Variants in KLK13 observed in about 807,000 individuals in gnomAD.
KLK13 encodes the protein kallikrein related peptidase 13.
Under a neutral mutation model 22.4 loss-of-function variants are expected in KLK13, and 19 were observed. The observed-to-expected ratio is 0.85, with a 90% CI of 0.59 to 1.24. The LOEUF (loss-of-function observed/expected upper bound fraction) is 1.24, where lower values mean the gene tolerates loss of function less well. Ranked by LOEUF, KLK13 falls within the 50% of genes most tolerant of loss-of-function variation. The pLI, the probability that KLK13 is intolerant of heterozygous loss-of-function variation, is 0.00. For synonymous variants in KLK13, 156 were observed against 141.8 expected (o/e 1.10, Z -0.71); for missense variants, 311 against 347.9 (o/e 0.89, Z 0.84).
At chr19:51,065,295 TG>T (rs2091772779), upstream of KLK13, among the ~76,000 whole-genome samples, 1 of 152,032 alleles carries the variant, frequency 6.6e-6, no homozygotes, top group Non-Finnish European at 1.5e-5. Context: ...TGCAACCTCC[TG>T]GGGCTCCGGC....
chr19:51,060,958 T>G (rs755520261), intron 1 of KLK13, among the ~76,000 whole-genome samples: 1 of 151,892 alleles, frequency 6.6e-6, no homozygotes, highest in African/African-American at 2.4e-5. Context: ...TTTCAGGAGG[T>G]AGAAGTGAGA....
intron 3 of KLK13, 132 bp from the exon 4 acceptor site, chr19:51,058,806 T>C: frequency 2.3e-6 from 2 of 876,324 alleles, no homozygotes; most frequent in South Asian, 1.5e-5. Flanking sequence ...GGAGAAGAGA[T>C]GAGCACCTAT....
chr19:51,063,815 C>T (rs751387161), intron 1 of KLK13: 18 of 465,748 alleles, frequency 3.9e-5, no homozygotes, highest in South Asian at 1.5e-4. Flanking sequence ...GTCGGGAAGC[C>T]GCCATTACAT....
Position 51,063,835 on chromosome 19 carries a change from C to T in KLK13, c.52+1181G>A, listed in dbSNP as rs1204162422. 7 of 464,836 alleles carry T rather than the reference C, an allele frequency of 1.5e-5. No homozygotes were observed. In the East Asian group the frequency reaches 3.3e-4, roughly 22 times the overall value. The allele number at this position is 464,836 out of a possible 1,614,324, so 28.8% of individuals were successfully genotyped here. A position where few individuals can be genotyped will look rare whatever the true frequency, so the allele number is the denominator to read the frequency against. ...GAAGCCGCCATTACATCTCTAGGCC[C>T]CTGGCTTGGCTCCTTGAAGTCTTCA... On this transcript the variant is annotated intron_variant, in intron 1 of 4. Coordinates refer to ENST00000595793, the MANE Select transcript of KLK13 (RefSeq NM_015596.3).
chr19:51,062,456 C>T (rs903999238), intron 1 of KLK13, among the ~76,000 whole-genome samples: 2 of 152,210 alleles, frequency 1.3e-5, no homozygotes, highest in Non-Finnish European at 2.9e-5. Context: ...AATCTCTCCA[C>T]TTTGACTGTA....
chr19:51,056,508 A>C lies in KLK13; in HGVS notation c.*79T>G. 7.4e-7 allele frequency: 1 copy of C among 1,356,380 alleles called. No individual in the cohort carries two copies. Among genetic ancestry groups the C allele is most frequent in the Non-Finnish European group, 1.0e-6 (1 of 962,588 alleles). 84.0% of individuals were successfully genotyped at this position (1,356,380 alleles called of 1,614,324 possible). A position where few individuals can be genotyped will look rare whatever the true frequency, so the allele number is the denominator to read the frequency against. On this transcript the variant is annotated 3_prime_UTR_variant, in exon 5 of 5. Coordinates refer to ENST00000595793, the MANE Select transcript of KLK13 (RefSeq NM_015596.3). ...CACTGGTTCAAATGGAACACTGGGA[A>C]TAAGGAGCAGAGAAGGGCTAAGCAG... is the stretch of plus-strand genomic sequence containing the variant.
Position 51,058,749 on chromosome 19 carries a change from G to C in KLK13, c.509-75C>G, listed in dbSNP as rs371285324. 2.1e-5 allele frequency: 30 copies of C among 1,426,764 alleles called. 1 individual carries two copies. The East Asian group carries it at 5.7e-4, about 27-fold the overall frequency. 88.4% of individuals were successfully genotyped at this position (1,426,764 alleles called of 1,614,324 possible). On this transcript the variant is annotated intron_variant, in intron 3 of 4. Transcript: ENST00000595793. ...GGGATGAAGGTGAAATAGGCGAGTT[G>C]AATGGGTAAAGAGTAGATAGAAAAT...
intron 1 of KLK13, chr19:51,064,532 T>C (rs542819243): frequency 7.8e-6 from 3 of 382,812 alleles, no homozygotes; most frequent in African/African-American, 4.8e-5. Flanking sequence ...AATAAAGTAA[T>C]AACGGCTAAG....
intron 2 of KLK13, 87 bp from the exon 3 acceptor site, chr19:51,060,180 C>G: frequency 6.7e-7 from 1 of 1,500,652 alleles, no homozygotes. Flanking sequence ...CATCCCCAAC[C>G]TAACTTCTTC....
At chr19:51,058,737 A>G in intron 3 of KLK13, 63 bp from the exon 4 acceptor site, 1 of 1,538,474 alleles carries the variant, frequency 6.5e-7, no homozygotes, top group African/African-American at 1.4e-5. Context: ...ATGAAGGTGA[A>G]ATAGGCGAGT....
Position 51,056,001 on chromosome 19 carries a change from G to A in KLK13, c.*586C>T, listed in dbSNP as rs1341553554. Reference sequence around the variant, plus strand: ...TGGGACTTCTGAGACACCCATAACAGTGTGAGAATGAAATATTCTGAGGAT... The same window carrying A: ...TGGGACTTCTGAGACACCCATAACAATGTGAGAATGAAATATTCTGAGGAT... On this transcript the variant is annotated 3_prime_UTR_variant, in exon 5 of 5. Coordinates refer to ENST00000595793, the MANE Select transcript of KLK13 (RefSeq NM_015596.3). 6.6e-6 allele frequency among the ~76,000 whole-genome samples: 1 copy of A among 152,172 alleles called. No individual in the cohort carries two copies. Among genetic ancestry groups the A allele is most frequent in the African/African-American group, 2.4e-5 (1 of 41,438 alleles).
intron 1 of KLK13, chr19:51,063,875 A>C: frequency 2.2e-6 from 1 of 457,506 alleles, no homozygotes; most frequent in South Asian, 1.5e-5. Context: ...ATGTCAAGAT[A>C]ATTATTAACT....
rs1401096774 is a variant in KLK13, at chr19:51,059,851, C to A, written c.482G>T (p.Gly161Val). The stretch of plus-strand genomic sequence containing the variant: ...CTGGGGGCTGGTGGTGGTGCCCCAG[C>A]CAGACACCCGACAGGTGGTGCCAGG... The part of the protein sequence containing the change: ...LTPGTTCRVS[G>V]WGTTTSPQVN... The change falls in exon 3 of 5, where the codon GGC becomes GTC. Residue 161 changes from glycine to valine, a missense_variant. Transcript: ENST00000595793. 1 of 1,603,008 alleles carries A rather than the reference C, an allele frequency of 6.2e-7. No individual in the cohort carries two copies. Among genetic ancestry groups the A allele is most frequent in the South Asian group, 1.1e-5 (1 of 89,334 alleles).
chr19:51,058,105 G>A (rs1487297742), intron 4 of KLK13, among the ~76,000 whole-genome samples: 5 of 152,160 alleles, frequency 3.3e-5, no homozygotes, highest in East Asian at 1.9e-4. Flanking sequence ...GAATCTAACC[G>A]AGAATGAAGC....
chr19:51,061,181 T>TCATCCATCCATC (rs57784587), intron 1 of KLK13, among the ~76,000 whole-genome samples: 4 of 143,920 alleles, frequency 2.8e-5, no homozygotes, highest in African/African-American at 5.2e-5. Flanking sequence ...GTCCATTTAT[T>TCATCCATCCATC]CATCCATCCA....
Position 51,060,039 on chromosome 19 carries a change from C to T in KLK13, c.294G>A (p.Glu98=). ...TAGAGTGGACAACTTCCCTCACCTG[C>T]TCACCAGCTTCCACACGCCCTAGGG... is the stretch of plus-strand genomic sequence containing the variant. ...KHALGRVEAG[E]QVREVVHSIP... is the part of the protein sequence containing the mutation. Residue 98 remains glutamate (E), a synonymous_variant, in exon 3 of 5, where the codon GAG becomes GAA. Transcript: ENST00000595793. 2 of 1,613,832 alleles carry T rather than the reference C, an allele frequency of 1.2e-6. No homozygotes were observed. The highest frequency in any genetic ancestry group is 8.5e-7 in the Non-Finnish European group (1 of 1,179,848).
chr19:51,060,612 G>A lies in KLK13; in HGVS notation c.60C>T (p.Ser20=), dbSNP rs746683569. 1.3e-6 allele frequency: 2 copies of A among 1,593,154 alleles called. No individual in the cohort carries two copies. The highest frequency in any genetic ancestry group is 1.7e-5 in the Admixed American group (1 of 58,908). ...SLTLALSGGV[S]QESSKVLNTN... is the part of the protein sequence containing the mutation. ...TGTTGAGAACCTTGGAAGACTCCTG[G>A]GAGACACCTGGTAAAGAAGAGAGAT... The change falls in exon 2 of 5, where the codon TCC becomes TCT. Residue 20 remains serine, a synonymous_variant. Transcript: ENST00000595793.
intron 1 of KLK13, 118 bp downstream of exon 1, chr19:51,064,898 C>A: frequency 2.4e-6 from 2 of 819,922 alleles, no homozygotes; most frequent in Non-Finnish European, 3.8e-6. Context: ...CCACTGGACC[C>A]GGCCCCGAGT....
chr19:51,058,059 A>C (rs1410479267), intron 4 of KLK13, among the ~76,000 whole-genome samples: 3 of 152,210 alleles, frequency 2.0e-5, no homozygotes, highest in Admixed American at 6.5e-5. Flanking sequence ...GGTAGGATGT[A>C]AGCTCAAAGC....
Sources: gnomAD v4.1 joint callset for allele counts (sites outside exome capture counted in the v4.1 genomes callset) on GRCh38, gnomAD v4.1.1 for gene constraint, MANE v1.5 for transcripts, NCBI Gene and HGNC (gene_info 2026-07-23, HGNC 2026-07-21) for gene names.